The following NRXN1 variants were observed in gnomAD, a reference collection of about 807,000 sequenced individuals.
The protein encoded by NRXN1 is neurexin-1.
In NRXN1, 39 loss-of-function variants were observed where a neutral mutation model predicts 150.9. The observed-to-expected ratio is 0.26, with a 90% CI of 0.20 to 0.34. The LOEUF (loss-of-function observed/expected upper bound fraction) is 0.34, where lower values mean the gene tolerates loss of function less well. NRXN1 is among the 10% of genes least tolerant of loss of function. NRXN1 has a pLI of 1.00. For missense variants in NRXN1, 1,815 were observed against 1,949.9 expected (o/e 0.93, Z 1.30); for synonymous variants, 924 against 757.0 (o/e 1.22, Z -3.62).
At chr2:50,019,238 T>G in intron 21 of NRXN1, 1 of 471,518 alleles carries the variant, frequency 2.1e-6, no homozygotes, top group Non-Finnish European at 4.4e-6. Context: ...AGTACTTACT[T>G]GTTTTCTTAT....
At chr2:50,259,597 A>G (rs1292888259) in intron 17 of NRXN1, among the ~76,000 whole-genome samples, 4 of 151,826 alleles carry the variant, frequency 2.6e-5, no homozygotes, top group Non-Finnish European at 5.9e-5. Context: ...GATTTTTGCC[A>G]AACTCAAAGT....
intron 5 of NRXN1, among the ~76,000 whole-genome samples, chr2:50,631,965 TAAAG>T (rs1220129387): frequency 4.6e-5 from 7 of 152,106 alleles, no homozygotes; most frequent in African/African-American, 1.7e-4. Context: ...ATGGACTTTA[TAAAG>T]ATTCTCTGCA....
At chr2:51,012,433 A>G (rs1668027827) in intron 2 of NRXN1, among the ~76,000 whole-genome samples, 1 of 152,078 alleles carries the variant, frequency 6.6e-6, no homozygotes, top group Non-Finnish European at 1.5e-5. Context: ...TTCAAAAAGT[A>G]AACCTGCTAA....
chr2:50,280,834 T>C (rs1361498827), intron 17 of NRXN1, among the ~76,000 whole-genome samples: 1 of 152,034 alleles, frequency 6.6e-6, no homozygotes, highest in South Asian at 2.1e-4. Flanking sequence ...AAAGGGAGGT[T>C]TTCCTGTTTT....
In NRXN1 at chr2:50,501,776, T is replaced by C. The variant is rs183425566; in HGVS notation, c.2498-4062A>G. On this transcript the variant is annotated intron_variant, in intron 13 of 22. Coordinates refer to ENST00000401669, the MANE Select transcript of NRXN1 (RefSeq NM_001330078.2). ...CTATGACCTAGGAAATCTCCTTCCT[T>C]GGGCTTCTCTGCTGGCAAATACTAT... Among the ~76,000 whole-genome samples, 195 of 152,282 alleles carry C rather than the reference T, an allele frequency of 1.3e-3. 1 individual carries two copies. The highest frequency in any genetic ancestry group is 4.4e-3 in the African/African-American group (184 of 41,564).
chr2:50,936,594 C>G (rs560830355), intron 2 of NRXN1, among the ~76,000 whole-genome samples: 2 of 152,192 alleles, frequency 1.3e-5, no homozygotes, highest in East Asian at 3.9e-4. Flanking sequence ...CTAAAGTAAA[C>G]TATGCTCAAA....
intron 17 of NRXN1, among the ~76,000 whole-genome samples, chr2:50,311,569 A>G (rs188646577): frequency 6.6e-6 from 1 of 152,164 alleles, no homozygotes; most frequent in South Asian, 2.1e-4. Context: ...GGTGGAATGT[A>G]TAATACATTG....
chr2:50,597,636 C>G (rs1654261162), intron 8 of NRXN1, among the ~76,000 whole-genome samples: 1 of 152,216 alleles, frequency 6.6e-6, no homozygotes, highest in African/African-American at 2.4e-5. Context: ...CTCCTCATCT[C>G]TCTTCTGAGA....
intron 17 of NRXN1, among the ~76,000 whole-genome samples, chr2:50,287,749 G>C (rs966337354): frequency 1.3e-5 from 2 of 152,124 alleles, no homozygotes; most frequent in African/African-American, 4.8e-5. Context: ...ATGAAAATAA[G>C]TGTTAGTTGC....
At chr2:50,614,594 A>T (rs946200451) in intron 8 of NRXN1, among the ~76,000 whole-genome samples, 6 of 150,720 alleles carry the variant, frequency 4.0e-5, no homozygotes, top group Non-Finnish European at 8.9e-5. Context: ...TATGTAACAA[A>T]CCTGCACGTT....
At chr2:50,480,358 A>T (rs1422245244) in intron 15 of NRXN1, among the ~76,000 whole-genome samples, 1 of 152,162 alleles carries the variant, frequency 6.6e-6, no homozygotes. Context: ...ATTAAATTTG[A>T]GCCTATCCTG....
intron 17 of NRXN1, among the ~76,000 whole-genome samples, chr2:50,269,029 T>G (rs963106748): frequency 6.6e-6 from 1 of 152,110 alleles, no homozygotes; most frequent in Non-Finnish European, 1.5e-5. Context: ...AATTTGGTAA[T>G]TGTGACATTG....
chr2:49,935,689 G>GAATAT, intron 22 of NRXN1, among the ~76,000 whole-genome samples: 1 of 152,280 alleles, frequency 6.6e-6, no homozygotes, highest in African/African-American at 2.4e-5. Flanking sequence ...TTGGAATTCA[G>GAATAT]AATATGCTTG....
chr2:50,541,952 T>C (rs1048759685), intron 9 of NRXN1, among the ~76,000 whole-genome samples: 24 of 152,216 alleles, frequency 1.6e-4, no homozygotes, highest in African/African-American at 3.4e-4. Context: ...TAGTTCCCTA[T>C]TGTCCCTTTG....
At chr2:50,424,344 A>AGGAGGAGGGGGAGGAGGAGGT (rs1572919857) in intron 17 of NRXN1, among the ~76,000 whole-genome samples, 1 of 149,550 alleles carries the variant, frequency 6.7e-6, no homozygotes, top group Non-Finnish European at 1.5e-5. Context: ...GAGGAGGAGG[A>AGGAGGAGGGGGAGGAGGAGGT]GGAAATAAAT....
intron 5 of NRXN1, among the ~76,000 whole-genome samples, chr2:50,631,806 C>A (rs1682371190): frequency 6.6e-6 from 1 of 151,756 alleles, no homozygotes; most frequent in Admixed American, 6.6e-5. Context: ...AACAAATGAT[C>A]CTGGAATTCA....
intron 21 of NRXN1, among the ~76,000 whole-genome samples, chr2:50,051,067 T>G (rs1425198042): frequency 6.6e-6 from 1 of 151,992 alleles, no homozygotes; most frequent in Non-Finnish European, 1.5e-5. Flanking sequence ...TTTACATCTA[T>G]AAACTGCTGC....
chr2:50,227,163 A>T (rs578215414), intron 18 of NRXN1, among the ~76,000 whole-genome samples: 1 of 23,514 alleles, frequency 4.3e-5, no homozygotes, highest in Non-Finnish European at 9.7e-5. Context: ...CAAAGACGGG[A>T]AAAAAAAAAA....
At chr2:50,742,993 T>C (rs2105283510) in intron 5 of NRXN1, among the ~76,000 whole-genome samples, 1 of 152,320 alleles carries the variant, frequency 6.6e-6, no homozygotes, top group Non-Finnish European at 1.5e-5. Context: ...TAGAACTTGC[T>C]GTAGCACATG....
Sources: allele counts gnomAD v4.1 joint callset (sites outside exome capture counted in the v4.1 genomes callset), GRCh38; gene constraint gnomAD v4.1.1; transcripts MANE v1.5; gene names NCBI Gene and HGNC (gene_info 2026-07-23, HGNC 2026-07-21).